The following EVC2 variants were observed in gnomAD, a reference collection of about 807,000 sequenced individuals.
The protein encoded by EVC2 is limbin.
Under a neutral mutation model 149.3 loss-of-function variants are expected in EVC2, and 148 were observed. The ratio of observed to expected loss-of-function variants is 0.99; its 90% confidence interval spans 0.87 to 1.14. The LOEUF is 1.14. Among genes scored for constraint, EVC2 ranks in the 50% most tolerant of loss-of-function variants. The pLI is 0.00. For synonymous variants in EVC2, 776 were observed against 649.9 expected, an observed-to-expected ratio of 1.19 and a Z score of -2.95; for missense variants, 1,854 against 1,627.3, an observed-to-expected ratio of 1.14 and a Z score of -2.40.
intron 14 of EVC2, among the ~76,000 whole-genome samples, chr4:5,620,513 A>G (rs1715610558): frequency 6.6e-6 from 1 of 152,212 alleles, no homozygotes; most frequent in African/African-American, 2.4e-5. Context: ...TAGTAACCCT[A>G]TCTTGGTTGA....
chr4:5,607,728 T>A (rs1714502963), intron 16 of EVC2, among the ~76,000 whole-genome samples: 1 of 152,094 alleles, frequency 6.6e-6, no homozygotes, highest in African/African-American at 2.4e-5. Flanking sequence ...GTCAGGTGGA[T>A]TTTCTATCTG....
chr4:5,575,958 C>T (rs891240857), intron 18 of EVC2, among the ~76,000 whole-genome samples: 1 of 152,210 alleles, frequency 6.6e-6, no homozygotes, highest in South Asian at 2.1e-4. Flanking sequence ...ATGGCACTCT[C>T]CCTACTACCT....
chr4:5,582,288 A>G (rs868231879), intron 17 of EVC2, among the ~76,000 whole-genome samples: 13 of 152,352 alleles, frequency 8.5e-5, no homozygotes, highest in East Asian at 1.9e-4. Context: ...TAAATCCTCC[A>G]AAGTCACAGG....
At chr4:5,707,716 G>A (rs1477264233) in intron 1 of EVC2, among the ~76,000 whole-genome samples, 2 of 152,090 alleles carry the variant, frequency 1.3e-5, no homozygotes, top group Non-Finnish European at 2.9e-5. Flanking sequence ...TTTGTCGGGG[G>A]AGGTCAAGTC....
chr4:5,659,491 T>G (rs962724353), intron 9 of EVC2, among the ~76,000 whole-genome samples: 1 of 151,202 alleles, frequency 6.6e-6, no homozygotes, highest in African/African-American at 2.4e-5. Flanking sequence ...AAATATTGAA[T>G]GTTGGGACGG....
In EVC2 at chr4:5,618,794, A is replaced by G; in HGVS notation, c.2502-112T>C. ...TTCCTCATATCCATGTCTGCAGAAAAAGCACTGGCTCCTTAATCATGCATT... is the reference window on the plus strand; with the variant it reads ...TTCCTCATATCCATGTCTGCAGAAAGAGCACTGGCTCCTTAATCATGCATT... On this transcript the variant is annotated intron_variant, in intron 14 of 21. Coordinates refer to ENST00000344408, the MANE Select transcript of EVC2 (RefSeq NM_147127.5). This position sits in a 1 kb window ranked among gnomAD's most constrained non-coding sequence, Gnocchi z 4.4. 9.8e-7 allele frequency: 1 copy of G among 1,019,774 alleles called. No individual in the cohort carries two copies. Among genetic ancestry groups the G allele is most frequent in the Non-Finnish European group, 1.5e-6 (1 of 667,910 alleles). 63.2% of individuals were successfully genotyped at this position (1,019,774 alleles called of 1,614,324 possible). A position where few individuals can be genotyped will look rare whatever the true frequency, so the allele number is the denominator to read the frequency against.
chr4:5,536,114 T>C, the EVC2 span, among the ~76,000 whole-genome samples: 1 of 152,040 alleles, frequency 6.6e-6, no homozygotes, highest in African/African-American at 2.4e-5. Context: ...AAAGAACAAT[T>C]GAATACGACA....
rs1256088223 is a variant in EVC2 at position 5,584,631 on chromosome 4, G to A, written c.3049C>T (p.His1017Tyr). Residue 1017 changes from histidine to tyrosine, a missense_variant, in exon 17 of 22, where the codon CAC becomes TAC. Coordinates refer to ENST00000344408, the MANE Select transcript of EVC2 (RefSeq NM_147127.5). ...CCAGCGCCTGCACTCACCCGGCTGT[G>A]CGACTCCAGGATCTGTGTGCAGGCC... ...KSACTQILES[H>Y]SRELQELERK... 3 of 1,613,202 alleles carry A rather than the reference G, an allele frequency of 1.9e-6. No individual in the cohort carries two copies. The highest frequency in any genetic ancestry group is 2.5e-6 in the Non-Finnish European group (3 of 1,179,640).
chr4:5,657,714 G>A lies in EVC2; in HGVS notation c.1145+5393C>T, dbSNP rs1718617609. On this transcript the variant is annotated intron_variant, in intron 9 of 21. Transcript: ENST00000344408. The surrounding 1 kb of genome is among the most constrained non-coding windows in gnomAD (Gnocchi z 4.7). ...CATAACTTACTGCTCAGGTGGGTAA[G>A]ATGAAATACAACAACATTAATTTGA... Among the ~76,000 whole-genome samples the A allele has an allele frequency of 6.8e-6, 1 of 146,380 alleles. No homozygotes were observed. The highest frequency in any genetic ancestry group is 1.5e-5 in the Non-Finnish European group (1 of 67,028).
At position 5,614,401 on chromosome 4, in the gene EVC2, C is replaced by A. The variant is rs869229362; in HGVS notation, c.2829+1021G>T. On this transcript the variant is annotated intron_variant, in intron 16 of 21. Coordinates refer to ENST00000344408, the MANE Select transcript of EVC2 (RefSeq NM_147127.5). The surrounding 1 kb of genome is among the most constrained non-coding windows in gnomAD (Gnocchi z 4.7). ...GTTAACTGACACAGCGCCTGGGACA[C>A]TGTTGCCTCCCCAAAATACTTGTGG... 3.9e-5 allele frequency among the ~76,000 whole-genome samples: 6 copies of A among 152,008 alleles called. No individual in the cohort carries two copies. In the South Asian group the frequency reaches 1.2e-3, roughly 32 times the overall value.
chr4:5,568,372 G>T lies in EVC2; in HGVS notation c.3557+72C>A, dbSNP rs1722426191. ...TGGACAAAATACATGGGCCTCCCAT[G>T]ACCTTGAGGACTCATGGGGACCCTT... is the stretch of plus-strand genomic sequence containing the variant. On this transcript the variant is annotated intron_variant, in intron 20 of 21. Coordinates refer to ENST00000344408, the MANE Select transcript of EVC2 (RefSeq NM_147127.5). 4 of 1,437,300 alleles carry T rather than the reference G, an allele frequency of 2.8e-6. No individual in the cohort carries two copies. The Admixed American group carries it at 6.9e-5, about 25-fold the overall frequency. 89.0% of individuals were successfully genotyped at this position (1,437,300 alleles called of 1,614,324 possible).
intron 16 of EVC2, among the ~76,000 whole-genome samples, chr4:5,612,588 T>C (rs1274879715): frequency 1.3e-5 from 2 of 151,938 alleles, no homozygotes; most frequent in African/African-American, 2.4e-5. Flanking sequence ...TATGCAAAAA[T>C]GGTGCTAGGC....
In EVC2 at chr4:5,584,714, A is replaced by G. The variant is rs1191735286; in HGVS notation, c.2966T>C (p.Leu989Pro). Residue 989 changes from leucine (L) to proline (P), a missense_variant, in exon 17 of 22, where the codon CTC (leucine) becomes CCC (proline). By Grantham distance (98) the Leu-to-Pro change is moderately conservative (BLOSUM62 -3). Transcript: ENST00000344408. The stretch of plus-strand genomic sequence containing the variant: ...TTCCAGGAGCAAGTCCTGGATGCTG[A>G]GGAGGGCGGTGTAGGCCGACAGAGT... ...TETLSAYTAL[L>P]SIQDLLLEEL... 1 of 1,613,522 alleles carries G rather than the reference A, an allele frequency of 6.2e-7. No individual in the cohort carries two copies. Among genetic ancestry groups the G allele is most frequent in the Non-Finnish European group, 8.5e-7 (1 of 1,179,752 alleles).
At chr4:5,658,407 T>C (rs773164725) in intron 9 of EVC2, among the ~76,000 whole-genome samples, 9 of 152,192 alleles carry the variant, frequency 5.9e-5, no homozygotes, top group Non-Finnish European at 1.0e-4. Flanking sequence ...AAAAGAGTAG[T>C]AGTTGTAAAA....
intron 13 of EVC2, among the ~76,000 whole-genome samples, chr4:5,624,570 CT>C (rs1255459603): frequency 1.3e-5 from 2 of 152,226 alleles, no homozygotes; most frequent in African/African-American, 4.8e-5. Context: ...TCAAAAGTAG[CT>C]GCAAGAAATA....
downstream of EVC2, among the ~76,000 whole-genome samples, chr4:5,541,808 T>A: frequency 6.6e-6 from 1 of 152,134 alleles, no homozygotes; most frequent in East Asian, 1.9e-4. Flanking sequence ...TATTAAGCAG[T>A]TACATGGCGG....
intron 16 of EVC2, among the ~76,000 whole-genome samples, chr4:5,592,175 T>C (rs887511043): frequency 2.6e-5 from 4 of 152,178 alleles, no homozygotes; most frequent in Non-Finnish European, 5.9e-5. Context: ...CTCACATCTG[T>C]ATCCAAACAA....
At chr4:5,652,354 C>T (rs1303166528) in intron 9 of EVC2, among the ~76,000 whole-genome samples, 2 of 152,154 alleles carry the variant, frequency 1.3e-5, no homozygotes, top group African/African-American at 4.8e-5. Flanking sequence ...ACATGTGACA[C>T]TGTATAAATG....
At position 5,576,220 on chromosome 4, in the gene EVC2, C is replaced by T. The variant is rs933226167; in HGVS notation, c.3272+20G>A. The T allele has an allele frequency of 5.0e-5, 80 of 1,613,988 alleles. No homozygotes were observed. The highest frequency in any genetic ancestry group is 6.5e-5 in the Non-Finnish European group (77 of 1,180,036). ...TGCTGGGGACTAATATCTTTGAGTG[C>T]TACGGGGCACACGGCATACCACTGC... On this transcript the variant is annotated intron_variant, in intron 18 of 21. Transcript: ENST00000344408. This position sits in a 1 kb window ranked among gnomAD's most constrained non-coding sequence, Gnocchi z 4.5.
Sources: gnomAD v4.1 joint callset for allele counts (sites outside exome capture counted in the v4.1 genomes callset) on GRCh38, gnomAD v4.1.1 for gene constraint, Gnocchi (gnomAD v3.1) non-coding constraint, MANE v1.5 for transcripts, NCBI Gene and HGNC (gene_info 2026-07-23, HGNC 2026-07-21) for gene names.